The following GBP4 variants were observed in gnomAD, a reference collection of about 807,000 sequenced individuals.
GBP4 encodes the protein guanylate-binding protein 4.
In GBP4, 69 loss-of-function variants were observed where a neutral mutation model predicts 62.2. The observed-to-expected ratio is 1.11, with a 90% CI of 0.91 to 1.36. GBP4 has a LOEUF of 1.36. Ranked by LOEUF, GBP4 falls within the 40% of genes most tolerant of loss-of-function variation. The pLI is 0.00. For synonymous variants in GBP4, 278 were observed against 274.6 expected, an observed-to-expected ratio of 1.01 and a Z score of -0.12; for missense variants, 697 against 759.3, an observed-to-expected ratio of 0.92 and a Z score of 0.96.
chr1:89,192,801 C>T (rs988137053), intron 5 of GBP4, 103 bp downstream of exon 5: 2 of 1,070,376 alleles, frequency 1.9e-6, no homozygotes, highest in African/African-American at 3.1e-5. Flanking sequence ...GGCCTCAAAT[C>T]AATCCAGTCT....
intron 1 of GBP4, 70 bp downstream of exon 1, chr1:89,198,725 G>A (rs1648414375): frequency 1.6e-5 from 22 of 1,346,872 alleles, no homozygotes; most frequent in Admixed American, 1.5e-4. Flanking sequence ...TGCAGTCTGC[G>A]CTTGGGAATT....
chr1:89,191,451 GA>G lies in GBP4; in HGVS notation c.725del (p.Phe242SerfsTer20), dbSNP rs1648184859. The G allele has an allele frequency of 6.2e-7, 1 of 1,614,060 alleles. No individual in the cohort carries two copies. The highest frequency in any genetic ancestry group is 1.3e-5 in the African/African-American group (1 of 74,950). ...SNMPRECIRH[F>X]FRKRKCFVFD... ...AGACAAAGCACTTCCGTTTTCGGAA[GA>G]AATGCCTGATACACTCTCTAGGCAT... is the stretch of plus-strand genomic sequence containing the variant. On this transcript the variant is annotated frameshift_variant, in exon 6 of 11. Coordinates refer to ENST00000355754, the MANE Select transcript of GBP4 (RefSeq NM_052941.5). LOFTEE classifies it high-confidence loss of function.
chr1:89,192,922 C>T lies in GBP4; in HGVS notation c.652G>A (p.Ala218Thr). The change falls in exon 5 of 11, where the codon GCC (alanine) becomes ACC (threonine). Residue 218 changes from alanine to threonine, a missense_variant. Physicochemically the swap from Ala to Thr is moderately conservative, Grantham distance 58. Transcript: ENST00000355754. The stretch of plus-strand genomic sequence containing the variant: ...CTGATACCTGGAATCAGCTTCAAGG[C>T]ATTCTCCAGGTACTCATCTTCTGTG... Reference protein sequence around the residue: ...PITEDEYLENALKLIPGKNPK... With the variant: ...PITEDEYLENTLKLIPGKNPK... 2.5e-6 allele frequency: 4 copies of T among 1,613,992 alleles called. No homozygotes were observed. The highest frequency in any genetic ancestry group is 3.4e-6 in the Non-Finnish European group (4 of 1,179,870).
At chr1:89,186,306 G>C in intron 10 of GBP4, 27 bp downstream of exon 10, 4 of 1,580,518 alleles carry the variant, frequency 2.5e-6, no homozygotes, top group Non-Finnish European at 3.5e-6. Flanking sequence ...TGTCCCTCAG[G>C]CACTGCCATT....
intron 6 of GBP4, among the ~76,000 whole-genome samples, 168 bp downstream of exon 6, chr1:89,191,093 T>A (rs2100676420): frequency 6.6e-6 from 1 of 152,342 alleles, no homozygotes; most frequent in South Asian, 2.1e-4. Flanking sequence ...AAGTTTCACA[T>A]GAGTAAACTT....
rs1199980648 is a variant in GBP4, at chr1:89,195,296, C to T, written c.363+1G>A. On this transcript the variant is annotated splice_donor_variant, in intron 3 of 10. Transcript: ENST00000355754. LOFTEE classifies it high-confidence loss of function. ...TGAGCGGTGAAGTTTCTCTGCCTTA[C>T]CTTTTCTACATCGCCCAGGCCCTCG... is the stretch of plus-strand genomic sequence containing the variant. The T allele has an allele frequency of 1.2e-6, 2 of 1,613,484 alleles. No individual in the cohort carries two copies. The highest frequency in any genetic ancestry group is 1.7e-6 in the Non-Finnish European group (2 of 1,179,670).
rs1375629576 is a variant in GBP4 at position 89,195,359 on chromosome 1, G to A, written c.301C>T (p.Leu101Phe). Reference sequence around the variant, plus strand: ...ACCAGGGTGTGGTTTGGCTTAGAGAGGTGGGGCACACACCACATCCAGATG... The same window carrying A: ...ACCAGGGTGTGGTTTGGCTTAGAGAAGTGGGGCACACACCACATCCAGATG... ...KGIWMWCVPH[L>F]SKPNHTLVLL... Residue 101 changes from leucine to phenylalanine, a missense_variant, in exon 3 of 11, where the codon CTC (leucine) becomes TTC (phenylalanine). Transcript: ENST00000355754. 10 of 1,613,934 alleles carry A rather than the reference G, an allele frequency of 6.2e-6. No individual in the cohort carries two copies. Among genetic ancestry groups the A allele is most frequent in the South Asian group, 2.2e-5 (2 of 91,072 alleles).
rs1336179491 is a variant in GBP4 at position 89,193,389 on chromosome 1, C to A, written c.387G>T (p.Trp129Cys). Residue 129 changes from tryptophan to cysteine, a missense_variant, in exon 4 of 11, where the codon TGG (tryptophan) becomes TGT (cysteine). Trp to Cys is a radical substitution (Grantham distance 215). Transcript: ENST00000355754. ...VEKSNPKNDS[W>C]IFALAVLLSS... ...TTAGAAGCACAGCCAGGGCAAAGAT[C>A]CACGAGTCATTCTTAGGGTTACTCT... 6.2e-7 allele frequency: 1 copy of A among 1,613,994 alleles called. No homozygotes were observed. The highest frequency in any genetic ancestry group is 8.5e-7 in the Non-Finnish European group (1 of 1,179,976).
intron 6 of GBP4, 92 bp downstream of exon 6, chr1:89,191,169 G>T: frequency 7.1e-7 from 1 of 1,417,738 alleles, no homozygotes; most frequent in Non-Finnish European, 9.7e-7. Flanking sequence ...CTATACAGAA[G>T]CAAACAATAT....
Position 89,181,530 on chromosome 1 carries a change from T to A in GBP4, c.*3724A>T. 6.6e-6 allele frequency: 1 copy of A among 152,270 alleles called. No individual in the cohort carries two copies. Among genetic ancestry groups the A allele is most frequent in the South Asian group, 2.1e-4 (1 of 4,864 alleles). 9.4% of individuals were successfully genotyped at this position (152,270 alleles called of 1,614,324 possible). A position where few individuals can be genotyped will look rare whatever the true frequency, so the allele number is the denominator to read the frequency against. On this transcript the variant is annotated 3_prime_UTR_variant, in exon 11 of 11. Coordinates refer to ENST00000355754, the MANE Select transcript of GBP4 (RefSeq NM_052941.5). ...ACATTTAGTATATTTACTAAATAGA[T>A]ATAAAATATATTTACTAACTATAAG...
At position 89,182,589 on chromosome 1, in the gene GBP4, C is replaced by G. The variant is rs977997140; in HGVS notation, c.*2665G>C. Reference sequence around the variant, plus strand: ...CTCCGCCTCCTGGGTTCACGCCATTCTCCTGCCTCAGCCTCCCGTGTAGCT... The same window carrying G: ...CTCCGCCTCCTGGGTTCACGCCATTGTCCTGCCTCAGCCTCCCGTGTAGCT... On this transcript the variant is annotated 3_prime_UTR_variant, in exon 11 of 11. Coordinates refer to ENST00000355754, the MANE Select transcript of GBP4 (RefSeq NM_052941.5). 1.3e-5 allele frequency: 2 copies of G among 149,636 alleles called. No individual in the cohort carries two copies. Among genetic ancestry groups the G allele is most frequent in the African/African-American group, 4.9e-5 (2 of 40,736 alleles). The allele number at this position is 149,636 out of a possible 1,614,324, so 9.3% of individuals were successfully genotyped here.
intron 1 of GBP4, among the ~76,000 whole-genome samples, chr1:89,197,802 G>A (rs1305589569): frequency 6.6e-6 from 1 of 152,100 alleles, no homozygotes; most frequent in Non-Finnish European, 1.5e-5. Flanking sequence ...CACCGTTCTA[G>A]ATTCTCAGCA....
At chr1:89,198,191 G>A (rs751247344) in intron 1 of GBP4, among the ~76,000 whole-genome samples, 2 of 152,080 alleles carry the variant, frequency 1.3e-5, no homozygotes, top group African/African-American at 4.8e-5. Flanking sequence ...AACGCGGGGG[G>A]CTCTGGGTGC....
chr1:89,195,483 A>T lies in GBP4; in HGVS notation c.236-59T>A. 1.9e-6 allele frequency: 3 copies of T among 1,594,110 alleles called. No homozygotes were observed. The South Asian group carries it at 3.3e-5, about 18-fold the overall frequency. ...AGTGGATAGACCAGGATGTCCCAGG[A>T]TTACACCGGTTAAACTTGTAGGAAT... On this transcript the variant is annotated intron_variant, in intron 2 of 10. Transcript: ENST00000355754.
rs150651435 is a variant in GBP4, at chr1:89,188,744, T to C, written c.1248A>G (p.Ala416=). The C allele has an allele frequency of 6.1e-4, 984 of 1,614,284 alleles. 5 individuals carry two copies. The highest frequency in any genetic ancestry group is 2.3e-3 in the South Asian group (213 of 91,092). The change falls in exon 8 of 11, where the codon GCA becomes GCG. Residue 416 remains alanine (A), a synonymous_variant. Transcript: ENST00000355754. ...KGDFVLQNEE[A]SAKYCQAELK... Reference sequence around the variant, plus strand: ...GCTCAGCCTGGCAATATTTGGCAGATGCCTCTTCATTCTGCAGCACAAAGT... The same window carrying C: ...GCTCAGCCTGGCAATATTTGGCAGACGCCTCTTCATTCTGCAGCACAAAGT...
Position 89,195,365 on chromosome 1 carries a change from G to T in GBP4, c.295C>A (p.Pro99Thr). The change falls in exon 3 of 11, where the codon CCC (proline) becomes ACC (threonine). Residue 99 changes from proline (P) to threonine (T), a missense_variant. By Grantham distance (38) the Pro-to-Thr change is conservative (BLOSUM62 -1). Around this residue, in one of 2 missense-constraint regions of GBP4, gnomAD observed 556 missense variants for 562.7 expected, o/e 0.99. Transcript: ENST00000355754. ...GTGTGGTTTGGCTTAGAGAGGTGGGGCACACACCACATCCAGATGCCCTTA... is the reference window on the plus strand; with the variant it reads ...GTGTGGTTTGGCTTAGAGAGGTGGGTCACACACCACATCCAGATGCCCTTA... ...ETKGIWMWCV[P>T]HLSKPNHTLV... The T allele has an allele frequency of 6.2e-7, 1 of 1,613,988 alleles. No homozygotes were observed.
chr1:89,192,859 C>A, intron 5 of GBP4, 45 bp downstream of exon 5: 1 of 1,578,294 alleles, frequency 6.3e-7, no homozygotes, highest in Non-Finnish European at 8.7e-7. Context: ...TTAGTTGATC[C>A]TACCCCCCAC....
At chr1:89,192,870 T>G (rs1287126413) in intron 5 of GBP4, 34 bp downstream of exon 5, 14 of 1,600,770 alleles carry the variant, frequency 8.7e-6, no homozygotes, top group Non-Finnish European at 1.2e-5. Context: ...TACCCCCCAC[T>G]GAACCTTCCC....
chr1:89,194,545 A>G (rs1648273496), intron 3 of GBP4, among the ~76,000 whole-genome samples: 1 of 152,160 alleles, frequency 6.6e-6, no homozygotes, highest in Non-Finnish European at 1.5e-5. Flanking sequence ...CCTTTTTTCA[A>G]TAATGGAAGC....
Sources: allele counts gnomAD v4.1 joint callset (sites outside exome capture counted in the v4.1 genomes callset), GRCh38; gene constraint gnomAD v4.1.1; regional missense constraint gnomAD v4.1.1; transcripts MANE v1.5; gene names NCBI Gene and HGNC (gene_info 2026-07-23, HGNC 2026-07-21).